JRK: variants seen among roughly 807,000 people sequenced by gnomAD.
JRK encodes Jrk helix-turn-helix protein, also known as jerky protein homolog.
For synonymous variants in JRK, 303 were observed against 218.1 expected (o/e 1.39, Z -3.43); for missense variants, 720 against 509.2 (o/e 1.41, Z -3.98).
At chr8:142,645,464 G>A in the JRK span, among the ~76,000 whole-genome samples, 2 of 152,090 alleles carry the variant, frequency 1.3e-5, no homozygotes, top group Non-Finnish European at 2.9e-5. Flanking sequence ...CGGATCACGA[G>A]GTCAGGAGAT....
downstream of JRK, among the ~76,000 whole-genome samples, chr8:142,656,291 T>C (rs1449279464): frequency 6.6e-6 from 1 of 152,226 alleles, no homozygotes; most frequent in Non-Finnish European, 1.5e-5. Flanking sequence ...GTGGCATCCA[T>C]TTCCCACCCC....
rs369670710 is a variant in JRK, at chr8:142,665,298, T to C, written c.761A>G (p.Tyr254Cys). The C allele has an allele frequency of 3.9e-5, 28 of 717,672 alleles. No individual in the cohort carries two copies. The highest frequency in any genetic ancestry group is 1.7e-4 in the African/African-American group (10 of 57,278). 44.5% of individuals were successfully genotyped at this position (717,672 alleles called of 1,614,324 possible). ...CACCCAGGCGTTCCCCTGGGCCTTATAGGCGACGGGCAGGTGCTGGATGCC... is the reference window on the plus strand; with the variant it reads ...CACCCAGGCGTTCCCCTGGGCCTTACAGGCGACGGGCAGGTGCTGGATGCC... ...FKGIQHLPVA[Y>C]KAQGNAWVDK... Residue 254 changes from tyrosine (Y) to cysteine (C), a missense_variant, in exon 2 of 2, where the codon TAT (tyrosine) becomes TGT (cysteine). Physicochemically the swap from Tyr to Cys is radical, Grantham distance 194 (BLOSUM62 -2). Transcript: ENST00000612905.
chr8:142,667,452 CACACA>C (rs1369065086), intron 1 of JRK, among the ~76,000 whole-genome samples: 1 of 147,136 alleles, frequency 6.8e-6, no homozygotes, highest in Non-Finnish European at 1.5e-5. Context: ...CACACACACA[CACACA>C]CACACACACA....
downstream of JRK, among the ~76,000 whole-genome samples, chr8:142,657,141 T>C (rs115750057): frequency 5.6e-3 from 853 of 152,276 alleles, 12 homozygotes; most frequent in African/African-American, 0.02. Context: ...ACATAATTGC[T>C]GGAGAGGGCA....
chr8:142,655,338 G>A (rs1554633517), downstream of JRK, among the ~76,000 whole-genome samples: 1 of 152,246 alleles, frequency 6.6e-6, no homozygotes, highest in East Asian at 1.9e-4. Context: ...GTTGGGCCCT[G>A]CAGAGTGGCC....
At chr8:142,669,324 G>A (rs1023526454) in intron 1 of JRK, among the ~76,000 whole-genome samples, 17 of 151,900 alleles carry the variant, frequency 1.1e-4, no homozygotes, top group African/African-American at 3.6e-4. Flanking sequence ...GAGAAGGAGG[G>A]GACAGAAAGC....
chr8:142,648,261 T>C, the JRK span, among the ~76,000 whole-genome samples: 5,348 of 152,320 alleles, frequency 0.035, 116 homozygotes, highest in Non-Finnish European at 0.053. Flanking sequence ...CTGCAGAAAT[T>C]TGCATAAGTA....
rs868945094 is a variant in JRK, at chr8:142,661,166, C to T, written c.*3186G>A. On this transcript the variant is annotated 3_prime_UTR_variant, in exon 2 of 2. Coordinates refer to ENST00000612905, the MANE Select transcript of JRK (RefSeq NM_003724.4). Reference sequence around the variant, plus strand: ...CCCAGGGCAAGGTCTGCTCTAGACCCTCCTATGCAGGAGACAGACAACTTC... The same window carrying T: ...CCCAGGGCAAGGTCTGCTCTAGACCTTCCTATGCAGGAGACAGACAACTTC... 1.2e-5 allele frequency: 12 copies of T among 985,388 alleles called. No individual in the cohort carries two copies. Among genetic ancestry groups the T allele is most frequent in the South Asian group, 4.7e-5 (1 of 21,288 alleles). 61.0% of individuals were successfully genotyped at this position (985,388 alleles called of 1,614,324 possible). A position where few individuals can be genotyped will look rare whatever the true frequency, so the allele number is the denominator to read the frequency against.
At chr8:142,643,723 A>G in the JRK span, among the ~76,000 whole-genome samples, 1 of 152,210 alleles carries the variant, frequency 6.6e-6, no homozygotes, top group Non-Finnish European at 1.5e-5. Flanking sequence ...GTCAAGTTTG[A>G]TTCCTTAAAG....
In JRK at chr8:142,660,392, CA is replaced by C. The variant is rs782351275; in HGVS notation, c.*3959del. ...CGACCCTGATCTCCACACCTGACCC[CA>C]AAGCACATTTTGTTATTTTTTGTTT... On this transcript the variant is annotated 3_prime_UTR_variant, in exon 2 of 2. Coordinates refer to ENST00000612905, the MANE Select transcript of JRK (RefSeq NM_003724.4). The C allele has an allele frequency of 1.5e-5, 15 of 985,502 alleles. No homozygotes were observed. The highest frequency in any genetic ancestry group is 1.8e-5 in the Non-Finnish European group (15 of 830,092). 61.0% of individuals were successfully genotyped at this position (985,502 alleles called of 1,614,324 possible).
downstream of JRK, among the ~76,000 whole-genome samples, chr8:142,653,734 C>T (rs1179670145): frequency 3.9e-5 from 6 of 152,124 alleles, no homozygotes; most frequent in African/African-American, 1.4e-4. Context: ...CCAGCAGCTC[C>T]TTGGTAGCTC....
chr8:142,662,415 G>C lies in JRK; in HGVS notation c.*1937C>G. 1 of 985,422 alleles carries C rather than the reference G, an allele frequency of 1.0e-6. No individual in the cohort carries two copies. The highest frequency in any genetic ancestry group is 1.2e-6 in the Non-Finnish European group (1 of 829,964). 61.0% of individuals were successfully genotyped at this position (985,422 alleles called of 1,614,324 possible). On this transcript the variant is annotated 3_prime_UTR_variant, in exon 2 of 2. Transcript: ENST00000612905. ...AAGCAGCTGCAATCCAGCAGTCTTGGTTAAGAGGCTCTATTAGGAGTGACA... is the reference window on the plus strand; with the variant it reads ...AAGCAGCTGCAATCCAGCAGTCTTGCTTAAGAGGCTCTATTAGGAGTGACA...
At chr8:142,669,163 A>AGTGTGT (rs59300327) in intron 1 of JRK, among the ~76,000 whole-genome samples, 2,327 of 136,134 alleles carry the variant, frequency 0.017, 65 homozygotes, top group East Asian at 0.089. Context: ...GCAGGGGCAT[A>AGTGTGT]GTGTGTGTGT....
chr8:142,649,722 C>T, the JRK span, among the ~76,000 whole-genome samples: 6,606 of 152,310 alleles, frequency 0.043, 151 homozygotes, highest in Non-Finnish European at 0.053. Context: ...TGTATGGAAA[C>T]GACTGGATGT....
At position 142,658,089 on chromosome 8, in the gene JRK, T is replaced by A. The variant is rs782803923; in HGVS notation, c.*6263A>T. 6.6e-6 allele frequency: 1 copy of A among 152,238 alleles called. No individual in the cohort carries two copies. Among genetic ancestry groups the A allele is most frequent in the Non-Finnish European group, 1.5e-5 (1 of 68,074 alleles). The allele number at this position is 152,238 out of a possible 1,614,324, so 9.4% of individuals were successfully genotyped here. ...TTCTGGACCAGGTGAACCTTAACAA[T>A]AGGTGCATGTTTTACTCATTCCAAG... On this transcript the variant is annotated 3_prime_UTR_variant, in exon 2 of 2. Coordinates refer to ENST00000612905, the MANE Select transcript of JRK (RefSeq NM_003724.4).
At chr8:142,652,336 A>C in the JRK span, among the ~76,000 whole-genome samples, 1 of 152,244 alleles carries the variant, frequency 6.6e-6, no homozygotes, top group Non-Finnish European at 1.5e-5. Flanking sequence ...ACATGTGCCC[A>C]AGGTGGTCAG....
chr8:142,668,484 C>A (rs1394731472), intron 1 of JRK, among the ~76,000 whole-genome samples: 1 of 151,908 alleles, frequency 6.6e-6, no homozygotes, highest in Non-Finnish European at 1.5e-5. Flanking sequence ...CCATGGGGAA[C>A]AGGAGGGAAG....
chr8:142,664,622 A>T lies in JRK; in HGVS notation c.1437T>A (p.Pro479=). 6.2e-7 allele frequency: 1 copy of T among 1,611,012 alleles called. No homozygotes were observed. Among genetic ancestry groups the T allele is most frequent in the South Asian group, 1.1e-5 (1 of 90,654 alleles). The change falls in exon 2 of 2, where the codon CCT becomes CCA. Residue 479 remains proline (P), a synonymous_variant. Coordinates refer to ENST00000612905, the MANE Select transcript of JRK (RefSeq NM_003724.4). ...PKADQDGRGD[P]GEGEEVAWEQ... The stretch of plus-strand genomic sequence containing the variant: ...CCCAGGCCACCTCCTCGCCCTCACC[A>T]GGATCTCCTCTGCCGTCCTGGTCAG...
intron 1 of JRK, among the ~76,000 whole-genome samples, chr8:142,667,422 C>A (rs1847162806): frequency 7.4e-6 from 1 of 136,012 alleles, no homozygotes; most frequent in African/African-American, 2.8e-5. Context: ...CAGACATGGA[C>A]GGACACGGAG....
Sources: gnomAD v4.1 joint callset for allele counts (sites outside exome capture counted in the v4.1 genomes callset) on GRCh38, gnomAD v4.1.1 for gene constraint, MANE v1.5 for transcripts, NCBI Gene and HGNC (gene_info 2026-07-23, HGNC 2026-07-21) for gene names.